Variants in STON2 observed in about 807,000 individuals in gnomAD.
STON2 encodes stonin 2, also known as stonin-2.
Under a neutral mutation model 65.7 loss-of-function variants are expected in STON2, and 29 were observed. The ratio of observed to expected loss-of-function variants is 0.44; its 90% CI spans 0.33 to 0.60. The LOEUF is 0.60. Among genes scored for constraint, STON2 ranks in the 20% least tolerant of loss-of-function variants. The pLI is 0.03. For synonymous variants in STON2, 404 were observed against 414.2 expected (o/e 0.98, Z 0.30); for missense variants, 1,054 against 1,118.1 (o/e 0.94, Z 0.82).
At chr14:81,327,405 A>G (rs1253396063) in intron 4 of STON2, among the ~76,000 whole-genome samples, 1 of 152,096 alleles carries the variant, frequency 6.6e-6, no homozygotes, top group Non-Finnish European at 1.5e-5. Context: ...TGATCATGGT[A>G]TGATTTAACA....
Position 81,262,481 on chromosome 14 carries a change from G to C in STON2, c.*5933C>G. The C allele has an allele frequency of 1.0e-6, 1 of 985,250 alleles. No individual in the cohort carries two copies. The highest frequency in any genetic ancestry group is 1.2e-6 in the Non-Finnish European group (1 of 829,784). 61.0% of individuals were successfully genotyped at this position (985,250 alleles called of 1,614,324 possible). ...TGGAGCTTCTTACTTTTAACTTTAA[G>C]AGATGGCTTCTAGTTCAAGTATTTT... On this transcript the variant is annotated 3_prime_UTR_variant, in exon 8 of 8. Coordinates refer to ENST00000614646, the MANE Select transcript of STON2 (RefSeq NM_001394390.1).
intron 1 of STON2, among the ~76,000 whole-genome samples, chr14:81,432,308 G>C (rs1400743618): frequency 6.6e-6 from 1 of 152,068 alleles, no homozygotes; most frequent in South Asian, 2.1e-4. Context: ...AGTCACAGTT[G>C]GGGGGAATTG....
In STON2 at chr14:81,399,605, G is replaced by A. The variant is rs1228826957; in HGVS notation, c.-199+674C>T. Among the ~76,000 whole-genome samples, 3 of 152,074 alleles carry A rather than the reference G, an allele frequency of 2.0e-5. No individual in the cohort carries two copies. The East Asian group carries it at 5.8e-4, about 29-fold the overall frequency. On this transcript the variant is annotated intron_variant, in intron 1 of 7. Transcript: ENST00000614646. The stretch of plus-strand genomic sequence containing the variant: ...CTTTTTTGGTGTTTAAAACAGTTTT[G>A]GCATATGATGCTTCCTAAAAACAAC...
upstream of STON2, among the ~76,000 whole-genome samples, chr14:81,402,022 G>A (rs1900633307): frequency 6.6e-6 from 1 of 152,290 alleles, no homozygotes; most frequent in East Asian, 1.9e-4. Flanking sequence ...ACCTTAACAA[G>A]GTGTGTTTCT....
At chr14:81,304,303 C>T (rs144632546) in intron 5 of STON2, among the ~76,000 whole-genome samples, 1,949 of 152,252 alleles carry the variant, frequency 0.013, 38 homozygotes, top group African/African-American at 0.046. Flanking sequence ...AAGCACTTTA[C>T]GTGGATTATC....
At chr14:81,320,760 T>C (rs960443181) in intron 5 of STON2, among the ~76,000 whole-genome samples, 1 of 152,118 alleles carries the variant, frequency 6.6e-6, no homozygotes, top group Non-Finnish European at 1.5e-5. Context: ...GTCTCTGCGA[T>C]GTCTCTTCCT....
chr14:81,355,414 A>G (rs1251288949), intron 4 of STON2, among the ~76,000 whole-genome samples: 1 of 152,190 alleles, frequency 6.6e-6, no homozygotes, highest in African/African-American at 2.4e-5. Context: ...TACATCACAT[A>G]CAAAGGGGTC....
chr14:81,317,793 C>T (rs916845499), intron 5 of STON2, among the ~76,000 whole-genome samples: 14 of 152,294 alleles, frequency 9.2e-5, no homozygotes, highest in South Asian at 4.1e-4. Flanking sequence ...TAATACCCCT[C>T]CTGGAACTGG....
At chr14:81,271,022 C>T (rs1338649966) in intron 6 of STON2, 150 bp from the exon 7 acceptor site, 8 of 1,045,742 alleles carry the variant, frequency 7.7e-6, no homozygotes, top group Admixed American at 6.5e-5. Context: ...AGGATCCGCC[C>T]GGCTCAGCAG....
At chr14:81,335,659 G>A (rs1897344766) in intron 4 of STON2, among the ~76,000 whole-genome samples, 1 of 152,202 alleles carries the variant, frequency 6.6e-6, no homozygotes, top group South Asian at 2.1e-4. Context: ...AGATTTCAGA[G>A]TATCGCAATG....
chr14:81,372,180 A>G (rs2140368739), intron 3 of STON2, among the ~76,000 whole-genome samples: 1 of 152,266 alleles, frequency 6.6e-6, no homozygotes, highest in South Asian at 2.1e-4. Context: ...AAGTCTTTCA[A>G]ATTTGAAACT....
chr14:81,398,237 C>G (rs1024943060), intron 2 of STON2, 58 bp downstream of exon 2: 2 of 1,274,154 alleles, frequency 1.6e-6, no homozygotes, highest in African/African-American at 1.5e-5. Context: ...GAAGCCATAA[C>G]AAATAGACAT....
chr14:81,270,892 G>C lies in STON2; in HGVS notation c.2582-20C>G. The C allele has an allele frequency of 6.2e-7, 1 of 1,608,772 alleles. No homozygotes were observed. Among genetic ancestry groups the C allele is most frequent in the Non-Finnish European group, 8.5e-7 (1 of 1,178,356 alleles). Reference sequence around the variant, plus strand: ...CGGAAGCTATGAAAGAAAGACAATCGAGAGATCAGATTATTTGGGGAGAAA... The same window carrying C: ...CGGAAGCTATGAAAGAAAGACAATCCAGAGATCAGATTATTTGGGGAGAAA... On this transcript the variant is annotated intron_variant, in intron 6 of 7. Coordinates refer to ENST00000614646, the MANE Select transcript of STON2 (RefSeq NM_001394390.1).
chr14:81,337,908 G>A (rs1897437346), intron 4 of STON2, among the ~76,000 whole-genome samples: 1 of 151,982 alleles, frequency 6.6e-6, no homozygotes, highest in Non-Finnish European at 1.5e-5. Context: ...AGAACAGTCT[G>A]GGCAACATGG....
chr14:81,308,836 G>GTGTA (rs1896306919), intron 5 of STON2, among the ~76,000 whole-genome samples: 1 of 8,216 alleles, frequency 1.2e-4, no homozygotes, highest in South Asian at 4.0e-3. Flanking sequence ...GTGTGTGTGT[G>GTGTA]TATATATATA....
intron 5 of STON2, among the ~76,000 whole-genome samples, chr14:81,319,016 T>A (rs1022411127): frequency 1.3e-5 from 2 of 152,190 alleles, no homozygotes; most frequent in Non-Finnish European, 2.9e-5. Flanking sequence ...CTCTGCCATC[T>A]CCACGAGAAT....
Position 81,420,012 on chromosome 14 carries a change from T to A in STON2, c.-199+7090A>T, listed in dbSNP as rs75026845. Reference sequence around the variant, plus strand: ...ATGTACCTGCCAGCTCCCACCTGTCTCTTATTCCCCTTTGGTCAGAGTTCA... The same window carrying A: ...ATGTACCTGCCAGCTCCCACCTGTCACTTATTCCCCTTTGGTCAGAGTTCA... On this transcript the variant is annotated intron_variant, in intron 2 of 8. Transcript: ENST00000553821. Among the ~76,000 whole-genome samples, 671 of 152,282 alleles carry A rather than the reference T, an allele frequency of 4.4e-3. 13 individuals are homozygous for A. Among genetic ancestry groups the A allele is most frequent in the African/African-American group, 0.015 (634 of 41,548 alleles).
At chr14:81,294,747 C>A (rs1895694186) in intron 5 of STON2, among the ~76,000 whole-genome samples, 1 of 152,182 alleles carries the variant, frequency 6.6e-6, no homozygotes, top group Non-Finnish European at 1.5e-5. Context: ...AGTCCTGGCT[C>A]TACCACAAAC....
In STON2 at chr14:81,261,045, T is replaced by G. The variant is rs1305282439; in HGVS notation, c.*7369A>C. The G allele has an allele frequency of 1.3e-5, 2 of 152,190 alleles. No homozygotes were observed. Among genetic ancestry groups the G allele is most frequent in the Non-Finnish European group, 2.9e-5 (2 of 68,034 alleles). The allele number at this position is 152,190 out of a possible 1,614,324, so 9.4% of individuals were successfully genotyped here. ...TTGATTAATCTCTTGAATACGGTAG[T>G]TTTCTCCAGGTTCTCTTGTTAAGTA... is the stretch of plus-strand genomic sequence containing the variant. On this transcript the variant is annotated 3_prime_UTR_variant, in exon 8 of 8. Transcript: ENST00000614646.
Sources: allele counts gnomAD v4.1 joint callset (sites outside exome capture counted in the v4.1 genomes callset), GRCh38; gene constraint gnomAD v4.1.1; transcripts MANE v1.5; gene names NCBI Gene and HGNC (gene_info 2026-07-23, HGNC 2026-07-21).